Variants in YY1AP1 observed in about 807,000 individuals in gnomAD.
YY1AP1 encodes YY1-associated protein 1.
A neutral mutation model predicts 39.9 loss-of-function variants in YY1AP1; 43 were observed. That is an observed-to-expected ratio of 1.08 (90% CI 0.84 to 1.39). The LOEUF is 1.39. Among genes scored for constraint, YY1AP1 ranks in the 40% most tolerant of loss-of-function variants. YY1AP1 has a pLI of 0.00. For synonymous variants in YY1AP1, 292 were observed against 331.3 expected, an observed-to-expected ratio of 0.88 and a Z score of 1.29; for missense variants, 813 against 900.7, an observed-to-expected ratio of 0.90 and a Z score of 1.25.
Position 155,660,423 on chromosome 1 carries a change from A to G in YY1AP1, c.1487T>C (p.Leu496Pro). 1 of 1,614,172 alleles carries G rather than the reference A, an allele frequency of 6.2e-7. No homozygotes were observed. Among genetic ancestry groups the G allele is most frequent in the Non-Finnish European group, 8.5e-7 (1 of 1,180,036 alleles). ...MPPEARTSFP[L>P]SESQTLLSSA... is the part of the protein sequence containing the mutation. ...AGAGAGCAAAGTCTGGGACTCAGAC[A>G]GAGGGAAGCTTGTCCTGGCCTCAGG... The change falls in exon 11 of 11, where the codon CTG becomes CCG. Residue 496 changes from leucine to proline, a missense_variant. Leu to Pro is a moderately conservative substitution (Grantham distance 98). This residue lies in a region of YY1AP1 where 586 missense variants were observed against 647.4 expected (regional missense o/e 0.91). Coordinates refer to ENST00000355499, the MANE Select transcript of YY1AP1 (RefSeq NM_139119.3).
In YY1AP1 at chr1:155,659,880, T is replaced by C. The variant is rs904326467; in HGVS notation, c.2030A>G (p.His677Arg). ...LSATVFPKVE[H>R]SPGPPPVDKQ... ...ATCGACTGGTGGAGGCCCTGGGCTATGTTCCACTTTGGGGAAAACAGTAGC... is the reference window on the plus strand; with the variant it reads ...ATCGACTGGTGGAGGCCCTGGGCTACGTTCCACTTTGGGGAAAACAGTAGC... The change falls in exon 11 of 11, where the codon CAT becomes CGT. Residue 677 changes from histidine (H) to arginine (R), a missense_variant. By Grantham distance (29) the His-to-Arg change is conservative. Around this residue, in one of 3 missense-constraint regions of YY1AP1, gnomAD observed 586 missense variants for 647.4 expected, o/e 0.91. Transcript: ENST00000355499. The C allele has an allele frequency of 5.0e-6, 8 of 1,614,132 alleles. No individual in the cohort carries two copies. Among genetic ancestry groups the C allele is most frequent in the Non-Finnish European group, 5.9e-6 (7 of 1,180,054 alleles).
intron 2 of YY1AP1, among the ~76,000 whole-genome samples, chr1:155,685,304 TCA>T (rs1437316252): frequency 6.6e-6 from 1 of 152,232 alleles, no homozygotes; most frequent in East Asian, 1.9e-4. Flanking sequence ...GCTGCCACTA[TCA>T]CACAATTCAC....
chr1:155,665,278 A>G (rs571205223), intron 9 of YY1AP1, among the ~76,000 whole-genome samples: 1 of 151,432 alleles, frequency 6.6e-6, no homozygotes, highest in Non-Finnish European at 1.5e-5. Flanking sequence ...TCAGAAAAAA[A>G]TTTTTTTTAA....
chr1:155,660,846 A>G lies in YY1AP1; in HGVS notation c.1064T>C (p.Met355Thr). ...MADGAREVGN[M>T]TGTTEINSDQ... The stretch of plus-strand genomic sequence containing the variant: ...TGAGTTGATCTCAGTGGTTCCAGTC[A>G]TATTTCCTACCTCTCTAGCACCATC... Residue 355 changes from methionine to threonine, a missense_variant, in exon 11 of 11, where the codon ATG (methionine) becomes ACG (threonine). Met to Thr is a moderately conservative substitution (Grantham distance 81, BLOSUM62 -1). Coordinates refer to ENST00000355499, the MANE Select transcript of YY1AP1 (RefSeq NM_139119.3). 2 of 1,614,102 alleles carry G rather than the reference A, an allele frequency of 1.2e-6. No individual in the cohort carries two copies. Among genetic ancestry groups the G allele is most frequent in the Non-Finnish European group, 1.7e-6 (2 of 1,180,014 alleles).
chr1:155,661,507 A>G, intron 9 of YY1AP1, 84 bp from the exon 10 acceptor site: 1 of 1,594,746 alleles, frequency 6.3e-7, no homozygotes, highest in South Asian at 1.1e-5. Flanking sequence ...GTGGTGGTGG[A>G]TCAAGAGAAA....
intron 6 of YY1AP1, 81 bp from the exon 7 acceptor site, chr1:155,672,812 C>G (rs568652777): frequency 1.9e-6 from 3 of 1,594,326 alleles, no homozygotes; most frequent in South Asian, 1.1e-5. Flanking sequence ...AAATGAGAAG[C>G]TGACCTTCCT....
In YY1AP1 at chr1:155,660,092, C is replaced by A. The variant is rs1379416328; in HGVS notation, c.1818G>T (p.Gln606His). 1 of 1,614,020 alleles carries A rather than the reference C, an allele frequency of 6.2e-7. No individual in the cohort carries two copies. The highest frequency in any genetic ancestry group is 8.5e-7 in the Non-Finnish European group (1 of 1,180,036). Residue 606 changes from glutamine to histidine, a missense_variant, in exon 11 of 11, where the codon CAG (glutamine) becomes CAT (histidine). Gln to His is a conservative substitution (Grantham distance 24, BLOSUM62 0). This residue lies in a region of YY1AP1 where 586 missense variants were observed against 647.4 expected (regional missense o/e 0.91). Coordinates refer to ENST00000355499, the MANE Select transcript of YY1AP1 (RefSeq NM_139119.3). The part of the protein sequence containing the change: ...NPTSFPCPLN[Q>H]PLVASSVSPL... ...GTGAGACAGAGGAGGCCACAAGGGG[C>A]TGGTTCAATGGACAGGGGAAGGAAG...
intron 1 of YY1AP1, 155 bp downstream of exon 1, chr1:155,688,504 G>C: frequency 6.5e-7 from 1 of 1,547,934 alleles, no homozygotes; most frequent in Non-Finnish European, 8.7e-7. Flanking sequence ...GAGTGTCTAC[G>C]GGCTCGTCGC....
intron 9 of YY1AP1, among the ~76,000 whole-genome samples, chr1:155,666,700 TAA>T (rs545069816): frequency 6.9e-6 from 1 of 144,530 alleles, no homozygotes; most frequent in Non-Finnish European, 1.5e-5. Context: ...ACCCCATCCC[TAA>T]AAAAAAAAAG....
intron 9 of YY1AP1, among the ~76,000 whole-genome samples, chr1:155,664,835 T>C (rs1251769574): frequency 6.7e-6 from 1 of 149,586 alleles, no homozygotes; most frequent in African/African-American, 2.5e-5. Context: ...AGTGGCGAGA[T>C]CTCGGCTCAC....
chr1:155,675,868 C>T (rs1395486828), intron 5 of YY1AP1, among the ~76,000 whole-genome samples: 1 of 152,144 alleles, frequency 6.6e-6, no homozygotes, highest in African/African-American at 2.4e-5. Flanking sequence ...AGACATGTTC[C>T]CTTGAACAAA....
intron 1 of YY1AP1, 107 bp from the exon 2 acceptor site, chr1:155,688,308 C>A: frequency 6.4e-7 from 1 of 1,564,490 alleles, no homozygotes; most frequent in Non-Finnish European, 8.7e-7. Context: ...CCTCGCAAAG[C>A]GAACCCAAAA....
intron 5 of YY1AP1, among the ~76,000 whole-genome samples, chr1:155,675,616 G>A (rs1650535967): frequency 6.6e-6 from 1 of 151,160 alleles, no homozygotes; most frequent in African/African-American, 2.4e-5. Context: ...GAGCCACTGT[G>A]CCCAGCCTTA....
rs1423160111 is a variant in YY1AP1, at chr1:155,665,809, A to AAG, written c.879+2817_879+2818insCT. Among the ~76,000 whole-genome samples, 59 of 145,340 alleles carry AAG rather than the reference A, an allele frequency of 4.1e-4. 1 individual carries two copies. Among genetic ancestry groups the AAG allele is most frequent in the African/African-American group, 1.6e-3 (57 of 36,432 alleles). The stretch of plus-strand genomic sequence containing the variant: ...CAAAAAAAAAAAAAAAAAAAAAAAA[A>AAG]GTAATGCAAAAGCAAAGATGTGGAA... On this transcript the variant is annotated intron_variant, in intron 9 of 10. Transcript: ENST00000355499.
In YY1AP1 at chr1:155,660,695, T is replaced by C. The variant is rs772826508; in HGVS notation, c.1215A>G (p.Arg405=). The change falls in exon 11 of 11, where the codon AGA becomes AGG. Residue 405 remains arginine, a synonymous_variant. Transcript: ENST00000355499. ...GTTTCAGGACTGATGAACGCTTCTG[T>C]CTCCAAGCCTTCTTGGGGAAACGGT... The part of the protein sequence containing the change: ...VADRFPKKAW[R]QKRSSVLKPL... 50 of 1,614,038 alleles carry C rather than the reference T, an allele frequency of 3.1e-5. No homozygotes were observed. The Middle Eastern group carries it at 8.2e-4, about 27-fold the overall frequency.
In YY1AP1 at chr1:155,659,651, C is replaced by A; in HGVS notation, c.*6G>T. ...CTCCCAGTCTCCAGACTCTTATTCTCCTAGCTCAAAGAAATCCACTGATTT... is the reference window on the plus strand; with the variant it reads ...CTCCCAGTCTCCAGACTCTTATTCTACTAGCTCAAAGAAATCCACTGATTT... On this transcript the variant is annotated 3_prime_UTR_variant, in exon 11 of 11. Coordinates refer to ENST00000355499, the MANE Select transcript of YY1AP1 (RefSeq NM_139119.3). 1 of 1,614,026 alleles carries A rather than the reference C, an allele frequency of 6.2e-7. No homozygotes were observed. Among genetic ancestry groups the A allele is most frequent in the South Asian group, 1.1e-5 (1 of 91,072 alleles).
chr1:155,676,569 T>C lies in YY1AP1; in HGVS notation c.303A>G (p.Arg101=). ...TLILDPAQRK[R]LQQQMQQHVQ... ...TTACCTGCTGCATCTGCTGCTGGAGTCTCTTCCTTTGTGCTGGGTCCAGAA... is the reference window on the plus strand; with the variant it reads ...TTACCTGCTGCATCTGCTGCTGGAGCCTCTTCCTTTGTGCTGGGTCCAGAA... Residue 101 remains arginine, a synonymous_variant, in exon 5 of 11, where the codon AGA becomes AGG. Transcript: ENST00000355499. The C allele has an allele frequency of 6.2e-7, 1 of 1,614,074 alleles. No individual in the cohort carries two copies. Among genetic ancestry groups the C allele is most frequent in the Non-Finnish European group, 8.5e-7 (1 of 1,180,004 alleles).
At position 155,665,557 on chromosome 1, in the gene YY1AP1, G is replaced by A. The variant is rs148061576; in HGVS notation, c.879+3070C>T. 3.2e-3 allele frequency among the ~76,000 whole-genome samples: 484 copies of A among 151,370 alleles called. 1 individual carries two copies. Among genetic ancestry groups the A allele is most frequent in the Non-Finnish European group, 3.8e-3 (259 of 67,842 alleles). ...GACGTTGCAGTGAGCCAAGATCATC[G>A]CGCCTTTGGACTCCAGCCTGGGCAA... On this transcript the variant is annotated intron_variant, in intron 9 of 10. Transcript: ENST00000355499.
At chr1:155,684,753 T>G (rs1651985890) in intron 2 of YY1AP1, among the ~76,000 whole-genome samples, 1 of 152,100 alleles carries the variant, frequency 6.6e-6, no homozygotes, top group African/African-American at 2.4e-5. Flanking sequence ...ATGCAGCTAA[T>G]TTTTTGTATT....
Sources: allele counts gnomAD v4.1 joint callset (sites outside exome capture counted in the v4.1 genomes callset), GRCh38; gene constraint gnomAD v4.1.1; regional missense constraint gnomAD v4.1.1; transcripts MANE v1.5; gene names NCBI Gene and HGNC (gene_info 2026-07-23, HGNC 2026-07-21).